The following RGS17 variants were observed in gnomAD, a reference collection of about 807,000 sequenced individuals.
The protein encoded by RGS17 is regulator of G-protein signaling 17.
In RGS17, 12 loss-of-function variants were observed where a neutral mutation model predicts 25.5. The ratio of observed to expected loss-of-function variants is 0.47; its 90% CI spans 0.30 to 0.76. RGS17 has a LOEUF of 0.76. RGS17 is among the 30% of genes least tolerant of loss of function. RGS17 has a pLI of 0.07. For synonymous variants in RGS17, 71 were observed against 76.9 expected (o/e 0.92, Z 0.40); for missense variants, 196 against 242.2 (o/e 0.81, Z 1.27).
intron 1 of RGS17, among the ~76,000 whole-genome samples, chr6:153,105,618 G>A (rs1777368055): frequency 6.6e-6 from 1 of 152,098 alleles, no homozygotes. Flanking sequence ...TTGAGGTGAG[G>A]TCTGGCAGCA....
intron 2 of RGS17, among the ~76,000 whole-genome samples, chr6:153,037,394 T>C (rs762684913): frequency 6.6e-6 from 1 of 151,992 alleles, no homozygotes; most frequent in Non-Finnish European, 1.5e-5. Flanking sequence ...CTACTAATAC[T>C]GGCCAAATAA....
chr6:153,007,637 G>A lies in RGS17; in HGVS notation c.*3937C>T, dbSNP rs535228889. The A allele has an allele frequency of 6.6e-6, 1 of 152,048 alleles. No individual in the cohort carries two copies. The highest frequency in any genetic ancestry group is 2.4e-5 in the African/African-American group (1 of 41,482). 9.4% of individuals were successfully genotyped at this position (152,048 alleles called of 1,614,324 possible). ...GAGATGGAGTCACTCTGTTGCCAAG[G>A]CTGGAGTGCAGTGGCATGATATCAG... On this transcript the variant is annotated 3_prime_UTR_variant, in exon 5 of 5. Coordinates refer to ENST00000206262, the MANE Select transcript of RGS17 (RefSeq NM_012419.5).
At chr6:153,071,680 G>A (rs1389648224) in intron 1 of RGS17, among the ~76,000 whole-genome samples, 4 of 152,078 alleles carry the variant, frequency 2.6e-5, no homozygotes, top group Admixed American at 2.6e-4. Flanking sequence ...TATTGGTTTA[G>A]AGAAATAATA....
intron 1 of RGS17, among the ~76,000 whole-genome samples, chr6:153,048,236 GAA>G: frequency 6.6e-6 from 1 of 152,212 alleles, no homozygotes; most frequent in East Asian, 1.9e-4. Context: ...TTTACTGAAT[GAA>G]AAGCCTCATC....
At chr6:153,124,097 T>A (rs1379936754) in intron 1 of RGS17, among the ~76,000 whole-genome samples, 3 of 152,180 alleles carry the variant, frequency 2.0e-5, no homozygotes. Flanking sequence ...GGCTCCTAAA[T>A]TTTGAGATCA....
At chr6:153,040,436 T>TA (rs1776307000) in intron 2 of RGS17, among the ~76,000 whole-genome samples, 1 of 152,124 alleles carries the variant, frequency 6.6e-6, no homozygotes, top group Non-Finnish European at 1.5e-5. Context: ...ATTACACTGT[T>TA]AAAAAACCCA....
chr6:153,041,121 T>C (rs1343877122), intron 2 of RGS17, among the ~76,000 whole-genome samples: 2 of 152,150 alleles, frequency 1.3e-5, no homozygotes, highest in African/African-American at 2.4e-5. Flanking sequence ...GCTGTGACTG[T>C]GCCACTGCAA....
Position 153,038,864 on chromosome 6 carries a change from G to T in RGS17, c.119+5036C>A, listed in dbSNP as rs1776285437. ...AGAGGCCATGGTACTTGTTAGAAAC[G>T]GAGGGAGGGGCAGCCCAAAGCATAT... On this transcript the variant is annotated intron_variant, in intron 2 of 4. Coordinates refer to ENST00000206262, the MANE Select transcript of RGS17 (RefSeq NM_012419.5). Among the ~76,000 whole-genome samples the T allele has an allele frequency of 2.0e-5, 3 of 152,152 alleles. No homozygotes were observed. The South Asian group carries it at 6.2e-4, about 32-fold the overall frequency.
chr6:153,025,688 A>G (rs1779293106), intron 3 of RGS17, among the ~76,000 whole-genome samples: 1 of 121,050 alleles, frequency 8.3e-6, no homozygotes, highest in Non-Finnish European at 1.7e-5. Context: ...ATATATAAAC[A>G]TATATATAAA....
Position 153,119,416 on chromosome 6 carries a change from C to T in RGS17, c.-26+11708G>A, listed in dbSNP as rs148276330. On this transcript the variant is annotated intron_variant, in intron 1 of 4. Transcript: ENST00000206262. ...CTCTTAAAAGTTATTTCAAGCCGGG[C>T]GCAGTGGCTCATGCCTGTAATCCCA... Among the ~76,000 whole-genome samples, 1,298 of 152,294 alleles carry T rather than the reference C, an allele frequency of 8.5e-3. 17 individuals carry two copies. The highest frequency in any genetic ancestry group is 0.029 in the African/African-American group (1,225 of 41,572).
At position 153,007,853 on chromosome 6, in the gene RGS17, A is replaced by G. The variant is rs576087130; in HGVS notation, c.*3721T>C. 1 of 152,324 alleles carries G rather than the reference A, an allele frequency of 6.6e-6. No individual in the cohort carries two copies. Among genetic ancestry groups the G allele is most frequent in the South Asian group, 2.1e-4 (1 of 4,830 alleles). 9.4% of individuals were successfully genotyped at this position (152,324 alleles called of 1,614,324 possible). On this transcript the variant is annotated 3_prime_UTR_variant, in exon 5 of 5. Coordinates refer to ENST00000206262, the MANE Select transcript of RGS17 (RefSeq NM_012419.5). ...TGATCCGCCCTCTTTGGCTTCCCAA[A>G]GTGCTGGGATTACAGGCTTGAGCCA... is the stretch of plus-strand genomic sequence containing the variant.
At chr6:153,012,942 G>C (rs987377124) in intron 4 of RGS17, among the ~76,000 whole-genome samples, 5 of 152,052 alleles carry the variant, frequency 3.3e-5, no homozygotes, top group Admixed American at 6.6e-5. Context: ...ACGTGGATTT[G>C]GGTTGATTGC....
At chr6:153,103,036 G>A (rs1406585577) in intron 1 of RGS17, among the ~76,000 whole-genome samples, 1 of 152,158 alleles carries the variant, frequency 6.6e-6, no homozygotes, top group Non-Finnish European at 1.5e-5. Flanking sequence ...ATAGCTCAGT[G>A]AATAAAGAAT....
At chr6:153,045,255 CA>C (rs1300158464) in intron 1 of RGS17, among the ~76,000 whole-genome samples, 1 of 152,122 alleles carries the variant, frequency 6.6e-6, no homozygotes, top group Non-Finnish European at 1.5e-5. Flanking sequence ...CAGAAGCGGG[CA>C]AAGGTCCACA....
At chr6:153,033,039 G>T (rs1022753096) in intron 2 of RGS17, among the ~76,000 whole-genome samples, 1 of 152,174 alleles carries the variant, frequency 6.6e-6, no homozygotes, top group Non-Finnish European at 1.5e-5. Context: ...TTCAATTTCT[G>T]TTTGGGTGGT....
chr6:153,013,951 A>G (rs1360513426), intron 4 of RGS17, among the ~76,000 whole-genome samples: 2 of 152,224 alleles, frequency 1.3e-5, no homozygotes, highest in African/African-American at 4.8e-5. Context: ...AAACTGCAGT[A>G]ATTTATTCAG....
chr6:153,044,285 C>A (rs920342616), intron 1 of RGS17, among the ~76,000 whole-genome samples: 1 of 152,158 alleles, frequency 6.6e-6, no homozygotes, highest in African/African-American at 2.4e-5. Flanking sequence ...AAAGTTGCCA[C>A]GTAATCAAGA....
At chr6:153,077,325 T>C (rs1472743781) in intron 1 of RGS17, among the ~76,000 whole-genome samples, 2 of 146,438 alleles carry the variant, frequency 1.4e-5, no homozygotes, top group Non-Finnish European at 3.0e-5. Flanking sequence ...CTAGGTGAGT[T>C]TGGATTAGAT....
At chr6:153,110,425 TAC>T (rs149969105) in intron 1 of RGS17, among the ~76,000 whole-genome samples, 3,532 of 144,738 alleles carry the variant, frequency 0.024, 90 homozygotes, top group Admixed American at 0.073. Flanking sequence ...ACTGCCAACA[TAC>T]ACACACACAC....
Sources: allele counts gnomAD v4.1 joint callset (sites outside exome capture counted in the v4.1 genomes callset), GRCh38; gene constraint gnomAD v4.1.1; transcripts MANE v1.5; gene names NCBI Gene and HGNC (gene_info 2026-07-23, HGNC 2026-07-21).